Variants in CCSER1 observed in about 807,000 individuals in gnomAD.
CCSER1 encodes the protein serine-rich coiled-coil domain-containing protein 1.
CCSER1 carries 41 observed loss-of-function variants against 82.0 expected under a neutral mutation model. The observed-to-expected ratio is 0.50, with a 90% confidence interval of 0.39 to 0.65. CCSER1 has a LOEUF of 0.65. Ranked by LOEUF, CCSER1 falls within the 30% of genes least tolerant of loss-of-function variation. The probability of loss-of-function intolerance (pLI) is 0.00; values close to 1 mark genes in which losing one functional copy is unlikely to be tolerated. For synonymous variants in CCSER1, 414 were observed against 383.9 expected (o/e 1.08, Z -0.92); for missense variants, 1,119 against 1,064.2 (o/e 1.05, Z -0.72).
chr4:90,141,030 A>ATCTATCTG (rs1241762993), intron 1 of CCSER1, among the ~76,000 whole-genome samples: 1 of 151,554 alleles, frequency 6.6e-6, no homozygotes, highest in Non-Finnish European at 1.5e-5. Flanking sequence ...ATATCTATCT[A>ATCTATCTG]TCTATCTATC....
intron 10 of CCSER1, among the ~76,000 whole-genome samples, chr4:91,220,638 G>A (rs994798648): frequency 1.3e-5 from 2 of 152,044 alleles, no homozygotes; most frequent in African/African-American, 2.4e-5. Flanking sequence ...GTTCAACAAC[G>A]GTAGCAGTGT....
intron 6 of CCSER1, among the ~76,000 whole-genome samples, chr4:90,707,009 T>C (rs62314438): frequency 0.085 from 12,957 of 152,232 alleles, 604 homozygotes; most frequent in Admixed American, 0.12. Context: ...TCCTAACCAC[T>C]GTCTTTTCCT....
chr4:90,171,611 T>G (rs1232570873), intron 1 of CCSER1, among the ~76,000 whole-genome samples: 3 of 151,946 alleles, frequency 2.0e-5, no homozygotes, highest in Non-Finnish European at 4.4e-5. Context: ...TGTAAGTCCC[T>G]TGAAGTCAGT....
At chr4:91,540,417 T>C (rs1006700476) in intron 10 of CCSER1, among the ~76,000 whole-genome samples, 2 of 152,168 alleles carry the variant, frequency 1.3e-5, no homozygotes, top group Admixed American at 6.6e-5. Context: ...GTTGTTTTCT[T>C]ATTGTTTAAT....
chr4:91,033,725 C>T lies in CCSER1; in HGVS notation c.2173-52225C>T, dbSNP rs145469266. Among the ~76,000 whole-genome samples the T allele has an allele frequency of 2.6e-4, 39 of 152,224 alleles. 1 individual carries two copies. The highest frequency in any genetic ancestry group is 8.9e-4 in the African/African-American group (37 of 41,540). ...ATCTGTTGTAATAGCTTACTTACTA[C>T]GGACTCAGAAGTGTCTTTAAAGCTT... On this transcript the variant is annotated intron_variant, in intron 9 of 10. Transcript: ENST00000509176.
chr4:91,262,397 G>T (rs1240219780), intron 10 of CCSER1, among the ~76,000 whole-genome samples: 1 of 151,920 alleles, frequency 6.6e-6, no homozygotes, highest in Middle Eastern at 3.2e-3. Context: ...AGGCACTCAA[G>T]GTATGTGGTA....
At chr4:90,258,376 G>A (rs1162226458) in intron 1 of CCSER1, among the ~76,000 whole-genome samples, 2 of 152,122 alleles carry the variant, frequency 1.3e-5, no homozygotes, top group Non-Finnish European at 2.9e-5. Context: ...GCTGGGCGTG[G>A]TGGTGCACGC....
chr4:90,240,529 C>T (rs953086106), intron 1 of CCSER1, among the ~76,000 whole-genome samples: 4 of 152,138 alleles, frequency 2.6e-5, no homozygotes, highest in Non-Finnish European at 5.9e-5. Flanking sequence ...CTGCAGTGTC[C>T]CTCCAGCTTC....
intron 9 of CCSER1, among the ~76,000 whole-genome samples, chr4:91,046,172 C>T (rs72667556): frequency 0.047 from 6,317 of 133,936 alleles, 185 homozygotes; most frequent in Middle Eastern, 0.074. Context: ...CTGACACTTG[C>T]AAATGGATGA....
At chr4:90,245,173 T>C (rs1339127914) in intron 1 of CCSER1, among the ~76,000 whole-genome samples, 1 of 152,200 alleles carries the variant, frequency 6.6e-6, no homozygotes, top group East Asian at 1.9e-4. Context: ...GAGATTATAT[T>C]TTTCTGAATT....
At chr4:91,238,695 T>G (rs1352522204) in intron 10 of CCSER1, among the ~76,000 whole-genome samples, 1 of 152,192 alleles carries the variant, frequency 6.6e-6, no homozygotes, top group African/African-American at 2.4e-5. Flanking sequence ...TATCCAGTAT[T>G]GAGTACCCAT....
chr4:90,445,508 T>C (rs1760525889), intron 4 of CCSER1, among the ~76,000 whole-genome samples: 1 of 152,050 alleles, frequency 6.6e-6, no homozygotes, highest in Admixed American at 6.6e-5. Context: ...TGCTTGATAT[T>C]GTAGTGATGT....
intron 10 of CCSER1, among the ~76,000 whole-genome samples, chr4:91,121,839 T>C (rs1367553918): frequency 2.0e-5 from 3 of 151,646 alleles, no homozygotes; most frequent in Non-Finnish European, 3.0e-5. Flanking sequence ...AAATAATTTC[T>C]ACTTAATTTC....
At chr4:90,542,706 AT>A (rs1776260010) in intron 5 of CCSER1, among the ~76,000 whole-genome samples, 1 of 152,140 alleles carries the variant, frequency 6.6e-6, no homozygotes, top group Non-Finnish European at 1.5e-5. Context: ...TAAAGTATAA[AT>A]GTTGTTGTTG....
At chr4:90,653,460 CG>C (rs1185571512) in intron 6 of CCSER1, among the ~76,000 whole-genome samples, 2 of 151,218 alleles carry the variant, frequency 1.3e-5, no homozygotes, top group Admixed American at 6.6e-5. Flanking sequence ...TTTAATGAAA[CG>C]TAAGTATTGA....
chr4:91,264,745 C>T (rs1026153674), intron 10 of CCSER1, among the ~76,000 whole-genome samples: 1 of 151,992 alleles, frequency 6.6e-6, no homozygotes. Context: ...AGATCAGGTG[C>T]ATTCAGGGTA....
intron 8 of CCSER1, 118 bp from the exon 9 acceptor site, chr4:90,923,252 C>T: frequency 1.4e-6 from 1 of 738,432 alleles, no homozygotes; most frequent in African/African-American, 1.8e-5. Flanking sequence ...CACAGCAAAG[C>T]ATATGCACAG....
chr4:90,767,478 T>G (rs1281798069), intron 7 of CCSER1, among the ~76,000 whole-genome samples: 2 of 152,196 alleles, frequency 1.3e-5, no homozygotes, highest in Admixed American at 1.3e-4. Context: ...TTGCACATAC[T>G]GAACTAAACG....
chr4:91,386,785 A>G (rs376468371), intron 10 of CCSER1, among the ~76,000 whole-genome samples: 1 of 152,064 alleles, frequency 6.6e-6, no homozygotes, highest in Non-Finnish European at 1.5e-5. Flanking sequence ...TCCCACATAT[A>G]TACATGTATA....
Sources: allele counts gnomAD v4.1 joint callset (sites outside exome capture counted in the v4.1 genomes callset), GRCh38; gene constraint gnomAD v4.1.1; transcripts MANE v1.5; gene names NCBI Gene and HGNC (gene_info 2026-07-23, HGNC 2026-07-21).